Variants in SIM2 observed in about 807,000 individuals in gnomAD.
The protein encoded by SIM2 is SIM bHLH transcription factor 2.
Under a neutral mutation model 64.8 loss-of-function variants are expected in SIM2, and 28 were observed. The observed-to-expected ratio is 0.43, with a 90% CI of 0.32 to 0.59. The LOEUF (loss-of-function observed/expected upper bound fraction) is 0.59. SIM2 is among the 20% of genes least tolerant of loss of function. SIM2 has a pLI of 0.07. For synonymous variants in SIM2, 408 were observed against 391.1 expected, an observed-to-expected ratio of 1.04 and a Z score of -0.51; for missense variants, 847 against 871.4, an observed-to-expected ratio of 0.97 and a Z score of 0.35.
At chr21:36,722,067 A>G (rs1018542669) in intron 4 of SIM2, among the ~76,000 whole-genome samples, 4 of 151,836 alleles carry the variant, frequency 2.6e-5, no homozygotes, top group Non-Finnish European at 5.9e-5. Context: ...GTCTGAAATG[A>G]CCCCCGTTGT....
chr21:36,710,671 C>A (rs1020600295), intron 2 of SIM2: 1 of 152,218 alleles, frequency 6.6e-6, no homozygotes. Flanking sequence ...CTCTGCATTT[C>A]CAAAAAGCAG....
intron 1 of SIM2, among the ~76,000 whole-genome samples, chr21:36,703,841 A>G (rs2088540410): frequency 2.0e-5 from 3 of 152,248 alleles, no homozygotes; most frequent in South Asian, 4.1e-4. Flanking sequence ...CTCCCTGGCC[A>G]TAGCTGCTCT....
chr21:36,741,432 G>T (rs1324138515), intron 7 of SIM2, among the ~76,000 whole-genome samples: 1 of 152,232 alleles, frequency 6.6e-6, no homozygotes, highest in Non-Finnish European at 1.5e-5. Context: ...AACTTTGGTG[G>T]CTAATGTTTC....
At chr21:36,725,870 C>T (rs2088883365) in intron 5 of SIM2, among the ~76,000 whole-genome samples, 2 of 152,216 alleles carry the variant, frequency 1.3e-5, no homozygotes, top group African/African-American at 4.8e-5. Flanking sequence ...ATCCCCCGAC[C>T]TCGGCCTCCC....
At chr21:36,727,968 C>A (rs1278051622) in intron 6 of SIM2, among the ~76,000 whole-genome samples, 3 of 152,128 alleles carry the variant, frequency 2.0e-5, no homozygotes, top group African/African-American at 7.2e-5. Flanking sequence ...GTGTCAGGGT[C>A]ACCAGCATCT....
chr21:36,703,759 A>C (rs1348921232), intron 1 of SIM2, among the ~76,000 whole-genome samples: 1 of 152,224 alleles, frequency 6.6e-6, no homozygotes. Flanking sequence ...CCCTCCCCAA[A>C]GTGTGGCCCT....
Position 36,747,944 on chromosome 21 carries a change from C to T in SIM2, c.1856C>T (p.Ala619Val). The T allele has an allele frequency of 9.8e-7, 1 of 1,022,822 alleles. No homozygotes were observed. Among genetic ancestry groups the T allele is most frequent in the Non-Finnish European group, 1.2e-6 (1 of 856,954 alleles). The allele number at this position is 1,022,822 out of a possible 1,614,324, so 63.4% of individuals were successfully genotyped here. Residue 619 changes from alanine to valine, a missense_variant, in exon 11 of 11, where the codon GCC becomes GTC. Physicochemically the swap from Ala to Val is moderately conservative, Grantham distance 64. Transcript: ENST00000290399. The surrounding 1 kb of genome is among the most constrained non-coding windows in gnomAD (Gnocchi z 4.5). Reference sequence around the variant, plus strand: ...CCGCTGGGGGGCGCCGCACCCGCCGCCTCCGGCCTGGCCTGCGCTCCCGGC... The same window carrying T: ...CCGCTGGGGGGCGCCGCACCCGCCGTCTCCGGCCTGGCCTGCGCTCCCGGC... ...RGPLGGAAPA[A>V]SGLACAPGGP...
At position 36,747,026 on chromosome 21, in the gene SIM2, A is replaced by AAAAC. The variant is rs144536989; in HGVS notation, c.1577-623_1577-620dup. ...GACAAATTTTGCCATATAGTGTTTA[A>AAAAC]AAACAAACAAACAAACAAAGACAAA... On this transcript the variant is annotated intron_variant, in intron 10 of 10. Coordinates refer to ENST00000290399, the MANE Select transcript of SIM2 (RefSeq NM_005069.6). This position sits in a 1 kb window ranked among gnomAD's most constrained non-coding sequence, Gnocchi z 4.5. Among the ~76,000 whole-genome samples, 6 of 152,116 alleles carry AAAAC rather than the reference A, an allele frequency of 3.9e-5. No individual in the cohort carries two copies. The highest frequency in any genetic ancestry group is 7.3e-5 in the African/African-American group (3 of 41,378).
chr21:36,723,973 A>G (rs1390059067), intron 5 of SIM2, among the ~76,000 whole-genome samples: 1 of 152,208 alleles, frequency 6.6e-6, no homozygotes, highest in Admixed American at 6.5e-5. Context: ...CTCAGAGGAC[A>G]GACATCATAA....
At chr21:36,741,565 C>T (rs575030193) in intron 7 of SIM2, 152 bp from the exon 8 acceptor site, 41 of 815,090 alleles carry the variant, frequency 5.0e-5, no homozygotes, top group South Asian at 3.3e-4. Flanking sequence ...ACGCACGAGA[C>T]GCACACAGAC....
intron 3 of SIM2, among the ~76,000 whole-genome samples, chr21:36,713,399 G>A (rs915601892): frequency 6.6e-6 from 1 of 152,186 alleles, no homozygotes; most frequent in Non-Finnish European, 1.5e-5. Context: ...AAAGGGGATA[G>A]TGTAACTGAT....
chr21:36,733,215 G>A (rs747631211), intron 7 of SIM2, among the ~76,000 whole-genome samples: 3 of 152,134 alleles, frequency 2.0e-5, no homozygotes, highest in Non-Finnish European at 2.9e-5. Context: ...ACAAAACTGA[G>A]GGAATCAAAA....
intron 7 of SIM2, among the ~76,000 whole-genome samples, chr21:36,732,281 G>A (rs188020195): frequency 3.3e-5 from 5 of 152,226 alleles, no homozygotes; most frequent in South Asian, 4.1e-4. Context: ...ATGGCCAGTC[G>A]GGGGTGCTTT....
rs766822804 is a variant in SIM2, at chr21:36,743,427, G to A, written c.1039G>A (p.Val347Met). ...YKELQLSLEQ[V>M]STAKSQDSWR... ...GGAACTTCAGCTGTCCCTGGAGCAGGTGTCCACTGCCAAGTCCCAGGACTC... is the reference window on the plus strand; with the variant it reads ...GGAACTTCAGCTGTCCCTGGAGCAGATGTCCACTGCCAAGTCCCAGGACTC... Residue 347 changes from valine (V) to methionine (M), a missense_variant, in exon 9 of 11, where the codon GTG becomes ATG. Around this residue, in one of 3 missense-constraint regions of SIM2, gnomAD observed 447 missense variants for 414.6 expected, o/e 1.08. Coordinates refer to ENST00000290399, the MANE Select transcript of SIM2 (RefSeq NM_005069.6). The A allele has an allele frequency of 2.5e-6, 4 of 1,613,924 alleles. No homozygotes were observed. The highest frequency in any genetic ancestry group is 2.7e-5 in the African/African-American group (2 of 74,914).
intron 5 of SIM2, among the ~76,000 whole-genome samples, chr21:36,725,726 C>T: frequency 6.6e-6 from 1 of 152,110 alleles, no homozygotes; most frequent in East Asian, 1.9e-4. Flanking sequence ...CTCAAGTGAT[C>T]CTCCCACCTC....
chr21:36,705,204 G>C (rs1049655464), intron 1 of SIM2, among the ~76,000 whole-genome samples: 11 of 152,212 alleles, frequency 7.2e-5, no homozygotes, highest in Non-Finnish European at 1.3e-4. Flanking sequence ...AGCTGTAGAG[G>C]CTGCCCGCGC....
chr21:36,747,830 G>A lies in SIM2; in HGVS notation c.1742G>A (p.Cys581Tyr). ...LALARAAPEC[C>Y]APPTPEAPGA... ...CTGGCCCGCGCGGCACCCGAGTGCT[G>A]CGCGCCCCCGACCCCCGAGGCCCCG... The change falls in exon 11 of 11, where the codon TGC becomes TAC. Residue 581 changes from cysteine (C) to tyrosine (Y), a missense_variant. Coordinates refer to ENST00000290399, the MANE Select transcript of SIM2 (RefSeq NM_005069.6). This position sits in a 1 kb window ranked among gnomAD's most constrained non-coding sequence, Gnocchi z 4.5. 1 of 1,034,142 alleles carries A rather than the reference G, an allele frequency of 9.7e-7. No homozygotes were observed. Among genetic ancestry groups the A allele is most frequent in the East Asian group, 1.0e-4 (1 of 10,010 alleles). 64.1% of individuals were successfully genotyped at this position (1,034,142 alleles called of 1,614,324 possible).
chr21:36,720,076 A>G (rs1277560506), intron 4 of SIM2, 147 bp downstream of exon 4: 1 of 615,766 alleles, frequency 1.6e-6, no homozygotes, highest in Non-Finnish European at 2.9e-6. Context: ...CACACACAGC[A>G]CCCACCACGT....
At chr21:36,741,616 T>C in intron 7 of SIM2, 101 bp from the exon 8 acceptor site, 1 of 1,382,412 alleles carries the variant, frequency 7.2e-7, no homozygotes, top group Non-Finnish European at 1.0e-6. Flanking sequence ...CTTTGTCAAG[T>C]TCTCAGAGGT....
Sources: gnomAD v4.1 joint callset for allele counts (sites outside exome capture counted in the v4.1 genomes callset) on GRCh38, gnomAD v4.1.1 for gene constraint, gnomAD v4.1.1 regional missense constraint, Gnocchi (gnomAD v3.1) non-coding constraint, MANE v1.5 for transcripts, NCBI Gene and HGNC (gene_info 2026-07-23, HGNC 2026-07-21) for gene names.